The following G3BP2 variants were observed in gnomAD, a reference collection of about 807,000 sequenced individuals.
G3BP2 encodes ras GTPase-activating protein-binding protein 2.
G3BP2 carries 11 observed loss-of-function variants against 56.7 expected under a neutral mutation model. The ratio of observed to expected loss-of-function variants is 0.19; its 90% CI spans 0.12 to 0.32. G3BP2 has a LOEUF of 0.32. Ranked by LOEUF, G3BP2 falls within the 10% of genes least tolerant of loss-of-function variation. G3BP2 has a pLI of 1.00. For missense variants in G3BP2, 340 were observed against 610.9 expected, an observed-to-expected ratio of 0.56 and a Z score of 4.67; for synonymous variants, 165 against 191.6, an observed-to-expected ratio of 0.86 and a Z score of 1.15.
intron 6 of G3BP2, among the ~76,000 whole-genome samples, 180 bp from the exon 7 acceptor site, chr4:75,655,426 C>T (rs561329503): frequency 5.8e-4 from 88 of 152,266 alleles, no homozygotes; most frequent in African/African-American, 1.8e-3. Context: ...TCTCAAGTAG[C>T]AGTTCTTTAA....
intron 3 of G3BP2, among the ~76,000 whole-genome samples, chr4:75,685,090 G>A (rs1201093990): frequency 6.6e-6 from 1 of 151,738 alleles, no homozygotes; most frequent in Non-Finnish European, 1.5e-5. Context: ...GCAGAGATGG[G>A]TGAAGGTTGC....
chr4:75,687,524 T>G (rs1718662746), intron 3 of G3BP2, among the ~76,000 whole-genome samples: 1 of 152,184 alleles, frequency 6.6e-6, no homozygotes, highest in African/African-American at 2.4e-5. Flanking sequence ...AGATGTGAGA[T>G]CTAAAAGAAT....
chr4:75,655,378 A>G, intron 6 of G3BP2, 132 bp from the exon 7 acceptor site: 1 of 680,740 alleles, frequency 1.5e-6, no homozygotes, highest in Non-Finnish European at 2.5e-6. Flanking sequence ...ATTCAAAGCA[A>G]AATTCCAAAA....
At chr4:75,703,256 T>C (rs1007402850) in intron 3 of G3BP2, among the ~76,000 whole-genome samples, 6 of 152,080 alleles carry the variant, frequency 3.9e-5, no homozygotes, top group Non-Finnish European at 8.8e-5. Context: ...AAGGTTCAGA[T>C]AGCAAAAGCA....
chr4:75,673,018 C>T lies in G3BP2; in HGVS notation c.-25+190G>A, dbSNP rs539489415. On this transcript the variant is annotated intron_variant, in intron 1 of 11. Coordinates refer to ENST00000359707, the MANE Select transcript of G3BP2 (RefSeq NM_203505.3). ...TTCCCAGGCGGCCTCCCACCCCTCA[C>T]CTAGAGGAAAGACTGGTCTTCTCTC... The T allele has an allele frequency of 1.1e-3, 1,085 of 988,806 alleles. 3 individuals carry two copies. The highest frequency in any genetic ancestry group is 1.2e-3 in the Non-Finnish European group (1,021 of 832,264). The allele number at this position is 988,806 out of a possible 1,614,324, so 61.3% of individuals were successfully genotyped here. A position where few individuals can be genotyped will look rare whatever the true frequency, so the allele number is the denominator to read the frequency against.
chr4:75,645,591 T>C lies in G3BP2; in HGVS notation c.1288A>G (p.Asn430Asp). 1 of 1,613,882 alleles carries C rather than the reference T, an allele frequency of 6.2e-7. No individual in the cohort carries two copies. Among genetic ancestry groups the C allele is most frequent in the Non-Finnish European group, 8.5e-7 (1 of 1,179,956 alleles). ...CGTGGACCACCGGGACCTCGATCAT[T>C]GCGCCTAATATCCCTGCGATCATCA... ...GGDDRRDIRRNDRGPGGPRGI... is the reference protein window; with the variant it reads ...GGDDRRDIRRDDRGPGGPRGI... The change falls in exon 12 of 12, where the codon AAT becomes GAT. Residue 430 changes from asparagine (N) to aspartate (D), a missense_variant. By Grantham distance (23) the Asn-to-Asp change is conservative (BLOSUM62 1). Transcript: ENST00000359707.
chr4:75,680,259 CAG>C (rs1234918246), intron 3 of G3BP2, among the ~76,000 whole-genome samples: 3 of 152,032 alleles, frequency 2.0e-5, no homozygotes, highest in African/African-American at 7.3e-5. Context: ...GTGTCAGAGA[CAG>C]ATTTCCTTCT....
At chr4:75,665,978 C>T (rs1312651985) in intron 1 of G3BP2, among the ~76,000 whole-genome samples, 1 of 152,144 alleles carries the variant, frequency 6.6e-6, no homozygotes, top group Non-Finnish European at 1.5e-5. Context: ...TCTACAGGAA[C>T]ACTGTTGTCA....
intron 3 of G3BP2, among the ~76,000 whole-genome samples, chr4:75,686,919 T>C (rs1718635976): frequency 6.6e-6 from 1 of 152,152 alleles, no homozygotes; most frequent in African/African-American, 2.4e-5. Flanking sequence ...TAAACTGAGA[T>C]TTAAAGCATT....
intron 3 of G3BP2, among the ~76,000 whole-genome samples, chr4:75,714,779 T>A (rs534333960): frequency 6.6e-6 from 1 of 152,284 alleles, no homozygotes; most frequent in South Asian, 2.1e-4. Context: ...TTTTTCCCCT[T>A]CACCTTTGCC....
chr4:75,702,506 A>G (rs1016228766), intron 3 of G3BP2, among the ~76,000 whole-genome samples: 2 of 152,202 alleles, frequency 1.3e-5, no homozygotes, highest in African/African-American at 2.4e-5. Context: ...TGCATTAACT[A>G]AGATGTACAA....
At chr4:75,687,426 G>A (rs545448176) in intron 3 of G3BP2, among the ~76,000 whole-genome samples, 131 of 152,244 alleles carry the variant, frequency 8.6e-4, no homozygotes, top group Non-Finnish European at 1.3e-3. Context: ...CTGTAAGTCC[G>A]CTGAACCTCT....
chr4:75,682,806 C>A (rs1310018884), intron 3 of G3BP2, among the ~76,000 whole-genome samples: 1 of 151,860 alleles, frequency 6.6e-6, no homozygotes, highest in Non-Finnish European at 1.5e-5. Flanking sequence ...ACGGTGAAAC[C>A]CCGTGTCTAC....
intron 1 of G3BP2, among the ~76,000 whole-genome samples, chr4:75,722,751 C>T (rs541419107): frequency 5.9e-5 from 9 of 152,248 alleles, no homozygotes; most frequent in South Asian, 4.1e-4. Flanking sequence ...GGCAGTATGA[C>T]CCCACCATTC....
chr4:75,650,211 G>T (rs1050549136), intron 8 of G3BP2, among the ~76,000 whole-genome samples: 5 of 151,982 alleles, frequency 3.3e-5, no homozygotes, highest in African/African-American at 1.2e-4. Flanking sequence ...GAGGCGGGCA[G>T]ATCACCTGAG....
At chr4:75,649,491 C>T (rs1021737138) in intron 8 of G3BP2, among the ~76,000 whole-genome samples, 4 of 152,116 alleles carry the variant, frequency 2.6e-5, no homozygotes, top group Admixed American at 6.6e-5. Flanking sequence ...AAAGTTTCTG[C>T]CAACTGCTGA....
chr4:75,646,538 G>A lies in G3BP2; in HGVS notation c.1058-82C>T, dbSNP rs1380540551. ...GCTCTAATTGTTCAGGATGAATATC[G>A]TTATCTCCCCGATCCATTTTAAAAT... On this transcript the variant is annotated intron_variant, in intron 10 of 11. Coordinates refer to ENST00000359707, the MANE Select transcript of G3BP2 (RefSeq NM_203505.3). The A allele has an allele frequency of 7.1e-6, 6 of 848,200 alleles. No homozygotes were observed. The East Asian group carries it at 9.9e-5, about 14-fold the overall frequency. 52.5% of individuals were successfully genotyped at this position (848,200 alleles called of 1,614,324 possible). A position where few individuals can be genotyped will look rare whatever the true frequency, so the allele number is the denominator to read the frequency against.
At chr4:75,722,350 A>G (rs1239199425) in intron 1 of G3BP2, among the ~76,000 whole-genome samples, 2 of 152,192 alleles carry the variant, frequency 1.3e-5, no homozygotes, top group Non-Finnish European at 2.9e-5. Context: ...AAGTACAGTA[A>G]CCTACTGTAC....
At chr4:75,661,729 A>G in intron 2 of G3BP2, 1 of 530,742 alleles carries the variant, frequency 1.9e-6, no homozygotes, top group Non-Finnish European at 3.4e-6. Flanking sequence ...TATGTACCAG[A>G]ATATGACATA....
Sources: gnomAD v4.1 joint callset for allele counts (sites outside exome capture counted in the v4.1 genomes callset) on GRCh38, gnomAD v4.1.1 for gene constraint, MANE v1.5 for transcripts, NCBI Gene and HGNC (gene_info 2026-07-23, HGNC 2026-07-21) for gene names.